The following HS3ST4 variants were observed in gnomAD, a reference collection of about 807,000 sequenced individuals.
HS3ST4 encodes heparan sulfate-glucosamine 3-sulfotransferase 4, also known as heparan sulfate glucosamine 3-O-sulfotransferase 4.
Under a neutral mutation model 29.2 loss-of-function variants are expected in HS3ST4, and 17 were observed. The observed-to-expected ratio is 0.58, with a 90% CI of 0.40 to 0.87. HS3ST4 has a LOEUF of 0.87. Among genes scored for constraint, HS3ST4 ranks in the 40% least tolerant of loss-of-function variants. The pLI is 0.00. For synonymous variants in HS3ST4, 314 were observed against 285.7 expected (o/e 1.10, Z -1.00); for missense variants, 627 against 634.5 (o/e 0.99, Z 0.13).
intron 1 of HS3ST4, among the ~76,000 whole-genome samples, chr16:25,942,582 T>C (rs1968582276): frequency 6.6e-6 from 1 of 152,048 alleles, no homozygotes; most frequent in African/African-American, 2.4e-5. Context: ...CTTTATTTTA[T>C]ATTATTCTAC....
At chr16:25,806,714 A>G (rs545244447) in intron 1 of HS3ST4, among the ~76,000 whole-genome samples, 2 of 152,268 alleles carry the variant, frequency 1.3e-5, no homozygotes, top group South Asian at 2.1e-4. Context: ...CCTAATGGTA[A>G]CATATTGCAC....
intron 1 of HS3ST4, among the ~76,000 whole-genome samples, chr16:25,979,704 C>T (rs1329738285): frequency 6.6e-6 from 1 of 152,124 alleles, no homozygotes; most frequent in African/African-American, 2.4e-5. Context: ...GTGTAATGCG[C>T]TTGAATCATC....
At chr16:25,769,006 T>A (rs548301333) in intron 1 of HS3ST4, among the ~76,000 whole-genome samples, 1 of 152,268 alleles carries the variant, frequency 6.6e-6, no homozygotes, top group East Asian at 1.9e-4. Context: ...GTGGTCTTTC[T>A]GGCATCATAA....
rs186770790 is a variant in HS3ST4 at position 25,883,199 on chromosome 16, A to G, written c.734+190048A>G. Reference sequence around the variant, plus strand: ...AAAATCTCATTCTCACAGATCAATGAGCATATTTTTCTACGCCTATTAGTT... The same window carrying G: ...AAAATCTCATTCTCACAGATCAATGGGCATATTTTTCTACGCCTATTAGTT... On this transcript the variant is annotated intron_variant, in intron 1 of 1. Coordinates refer to ENST00000331351, the MANE Select transcript of HS3ST4 (RefSeq NM_006040.3). Among the ~76,000 whole-genome samples the G allele has an allele frequency of 2.8e-3, 408 of 144,616 alleles. 1 individual carries two copies. Among genetic ancestry groups the G allele is most frequent in the Admixed American group, 0.013 (191 of 14,270 alleles). The allele number at this position is 144,616 out of a possible 152,430, so 94.9% of individuals were successfully genotyped here. A position where few individuals can be genotyped will look rare whatever the true frequency, so the allele number is the denominator to read the frequency against.
At chr16:25,783,427 C>T (rs988988480) in intron 1 of HS3ST4, among the ~76,000 whole-genome samples, 1 of 151,794 alleles carries the variant, frequency 6.6e-6, no homozygotes, top group Admixed American at 6.6e-5. Context: ...TTGAAAATCA[C>T]TTTTCTCCTT....
chr16:25,959,006 T>G (rs73521503), intron 1 of HS3ST4, among the ~76,000 whole-genome samples: 2,406 of 152,250 alleles, frequency 0.016, 68 homozygotes, highest in African/African-American at 0.056. Flanking sequence ...CACTGAGACA[T>G]GGGTTGCAGT....
At chr16:25,839,870 A>G (rs7205880) in intron 1 of HS3ST4, among the ~76,000 whole-genome samples, 51,905 of 152,066 alleles carry the variant, frequency 0.34, 9,557 homozygotes, top group Admixed American at 0.4. Context: ...ATTGAACTTG[A>G]GCTCCATTTT....
chr16:25,836,231 T>G (rs777856131), intron 1 of HS3ST4, among the ~76,000 whole-genome samples: 2 of 152,198 alleles, frequency 1.3e-5, no homozygotes, highest in Non-Finnish European at 2.9e-5. Flanking sequence ...CTGTCTTCTT[T>G]TGGACCCCTA....
intron 1 of HS3ST4, among the ~76,000 whole-genome samples, chr16:25,907,308 G>A (rs1443300483): frequency 6.6e-6 from 1 of 152,184 alleles, no homozygotes; most frequent in African/African-American, 2.4e-5. Flanking sequence ...CTAATTCCAG[G>A]AGGGCTTCAG....
chr16:26,115,391 C>G (rs1899189529), intron 1 of HS3ST4, among the ~76,000 whole-genome samples: 1 of 151,892 alleles, frequency 6.6e-6, no homozygotes, highest in Non-Finnish European at 1.5e-5. Context: ...CCAATGAAGA[C>G]TTTAACTCCA....
intron 1 of HS3ST4, among the ~76,000 whole-genome samples, chr16:25,947,064 C>A (rs1968633459): frequency 6.6e-6 from 1 of 152,058 alleles, no homozygotes. Flanking sequence ...AGGTATTAAG[C>A]AAGTGTGTGT....
chr16:26,119,354 A>G (rs553463567), intron 1 of HS3ST4, among the ~76,000 whole-genome samples: 2 of 152,360 alleles, frequency 1.3e-5, no homozygotes, highest in East Asian at 3.9e-4. Context: ...CAGAGGAATG[A>G]TGGAGCGATG....
intron 1 of HS3ST4, among the ~76,000 whole-genome samples, chr16:25,761,315 C>T (rs925519214): frequency 7.2e-5 from 11 of 152,188 alleles, no homozygotes; most frequent in Admixed American, 3.9e-4. Flanking sequence ...TCTGTGCTGT[C>T]CAAAAGGGTG....
chr16:25,930,063 C>A (rs1474768526), intron 1 of HS3ST4, among the ~76,000 whole-genome samples: 1 of 152,180 alleles, frequency 6.6e-6, no homozygotes. Flanking sequence ...TATTTTGGTT[C>A]TCTGTTCCTG....
chr16:25,867,615 C>G (rs566669793), intron 1 of HS3ST4, among the ~76,000 whole-genome samples: 2 of 152,076 alleles, frequency 1.3e-5, no homozygotes, highest in Non-Finnish European at 2.9e-5. Context: ...CACAATTGCT[C>G]AATACATACA....
At chr16:26,049,247 T>C (rs1898306317) in intron 1 of HS3ST4, among the ~76,000 whole-genome samples, 1 of 151,790 alleles carries the variant, frequency 6.6e-6, no homozygotes, top group Non-Finnish European at 1.5e-5. Context: ...GAAGGCGGAA[T>C]GAAAAGCTAG....
chr16:26,069,247 C>G (rs769456430), intron 1 of HS3ST4, among the ~76,000 whole-genome samples: 1 of 152,228 alleles, frequency 6.6e-6, no homozygotes, highest in African/African-American at 2.4e-5. Context: ...CCACTGCACC[C>G]AGCCCACATT....
chr16:25,869,678 C>T (rs554660667), intron 1 of HS3ST4, among the ~76,000 whole-genome samples: 10 of 152,176 alleles, frequency 6.6e-5, no homozygotes, highest in African/African-American at 1.9e-4. Context: ...CTGTTCCAAG[C>T]CTAGTATCAA....
intron 1 of HS3ST4, among the ~76,000 whole-genome samples, chr16:26,003,033 G>A (rs756114482): frequency 4.0e-5 from 6 of 151,402 alleles, no homozygotes; most frequent in South Asian, 2.1e-4. Flanking sequence ...GTTTTGACAC[G>A]CTTGGCAGGT....
Sources: allele counts gnomAD v4.1 joint callset (sites outside exome capture counted in the v4.1 genomes callset), GRCh38; gene constraint gnomAD v4.1.1; transcripts MANE v1.5; gene names NCBI Gene and HGNC (gene_info 2026-07-23, HGNC 2026-07-21).